Variants in FGF14 observed in about 807,000 individuals in gnomAD.
FGF14 encodes fibroblast growth factor 14.
Under a neutral mutation model 25.5 loss-of-function variants are expected in FGF14, and 5 were observed. That is an observed-to-expected ratio of 0.20 (90% CI 0.10 to 0.41). The LOEUF (loss-of-function observed/expected upper bound fraction) is 0.41. Ranked by LOEUF, FGF14 falls within the 10% of genes least tolerant of loss-of-function variation. FGF14 has a pLI of 1.00. For missense variants in FGF14, 222 were observed against 320.1 expected, an observed-to-expected ratio of 0.69 and a Z score of 2.34; for synonymous variants, 138 against 118.3, an observed-to-expected ratio of 1.17 and a Z score of -1.08.
chr13:102,392,915 T>C (rs752603167), intron 1 of FGF14, among the ~76,000 whole-genome samples: 1 of 152,162 alleles, frequency 6.6e-6, no homozygotes, highest in Non-Finnish European at 1.5e-5. Context: ...AGGGTAGATA[T>C]GATCATGACA....
chr13:102,284,850 T>C (rs555514600), intron 1 of FGF14, among the ~76,000 whole-genome samples: 11 of 152,296 alleles, frequency 7.2e-5, no homozygotes, highest in African/African-American at 2.2e-4. Flanking sequence ...TTGGTTCTTA[T>C]TGCAAATAGT....
At chr13:102,396,712 A>G (rs1203592495) in intron 1 of FGF14, among the ~76,000 whole-genome samples, 1 of 152,256 alleles carries the variant, frequency 6.6e-6, no homozygotes, top group Non-Finnish European at 1.5e-5. Flanking sequence ...TTGTACAGCC[A>G]AAGTCATCTT....
chr13:101,788,899 TATATATATATAGAG>T (rs1231379427), intron 3 of FGF14, among the ~76,000 whole-genome samples: 391 of 47,302 alleles, frequency 8.3e-3, no homozygotes, highest in Admixed American at 0.01. Context: ...TATATATATA[TATATATATATAGAG>T]AGAGAGAGAG....
chr13:102,289,233 G>A (rs750683080), intron 1 of FGF14, among the ~76,000 whole-genome samples: 1 of 152,106 alleles, frequency 6.6e-6, no homozygotes, highest in African/African-American at 2.4e-5. Context: ...CCATGGGTCT[G>A]CTTGCCATCA....
chr13:102,339,767 G>T (rs932026539), intron 1 of FGF14, among the ~76,000 whole-genome samples: 4 of 152,148 alleles, frequency 2.6e-5, no homozygotes, highest in Non-Finnish European at 4.4e-5. Context: ...AGTCATCATG[G>T]TGAGAGATAA....
chr13:102,279,646 G>A (rs1044150480), intron 1 of FGF14, among the ~76,000 whole-genome samples: 1 of 151,878 alleles, frequency 6.6e-6, no homozygotes, highest in African/African-American at 2.4e-5. Context: ...CAAAATAATG[G>A]GCACAGTGCC....
At chr13:101,969,261 G>T (rs1404956924) in intron 1 of FGF14, among the ~76,000 whole-genome samples, 2 of 152,154 alleles carry the variant, frequency 1.3e-5, no homozygotes, top group Admixed American at 6.5e-5. Flanking sequence ...GGGATTGAAG[G>T]ATAAGAAACG....
chr13:102,392,254 A>G (rs184049300), intron 1 of FGF14, among the ~76,000 whole-genome samples: 2 of 152,368 alleles, frequency 1.3e-5, no homozygotes, highest in Admixed American at 1.3e-4. Context: ...TAAAGTTCAT[A>G]CTTCCTTCTC....
intron 1 of FGF14, among the ~76,000 whole-genome samples, chr13:101,941,733 T>C (rs2493591): frequency 0.041 from 6,192 of 152,294 alleles, 395 homozygotes; most frequent in African/African-American, 0.14. Context: ...AATTGAAATG[T>C]CCTTAAGTAT....
intron 3 of FGF14, among the ~76,000 whole-genome samples, chr13:101,827,514 C>CT (rs2042445768): frequency 6.6e-6 from 1 of 151,606 alleles, no homozygotes; most frequent in African/African-American, 2.4e-5. Context: ...TTTATAAATG[C>CT]TTTTTATACT....
In FGF14 at chr13:102,221,102, C is replaced by T. The variant is rs111958736; in HGVS notation, c.208+180369G>A. Among the ~76,000 whole-genome samples the T allele has an allele frequency of 2.4e-3, 361 of 152,294 alleles. 1 individual carries two copies. The highest frequency in any genetic ancestry group is 8.0e-3 in the African/African-American group (332 of 41,572). ...TGTGAAAGAATGTTTCCCAAGAGCC[C>T]TTGCTTGCTTTTCAATGTTCAACTA... On this transcript the variant is annotated intron_variant, in intron 1 of 4. Coordinates refer to the FGF14 transcript ENST00000376131.
intron 1 of FGF14, among the ~76,000 whole-genome samples, chr13:102,387,928 C>A (rs1454462758): frequency 6.6e-6 from 1 of 152,184 alleles, no homozygotes; most frequent in Non-Finnish European, 1.5e-5. Flanking sequence ...CGGGGTTTCA[C>A]CACGTTGGCC....
intron 1 of FGF14, among the ~76,000 whole-genome samples, chr13:102,192,434 G>A (rs1479666387): frequency 6.6e-6 from 1 of 152,080 alleles, no homozygotes; most frequent in African/African-American, 2.4e-5. Context: ...CACCCTTCCT[G>A]TTGTCTTCAC....
At chr13:102,349,765 G>A (rs984965531) in intron 1 of FGF14, among the ~76,000 whole-genome samples, 4 of 152,146 alleles carry the variant, frequency 2.6e-5, no homozygotes, top group African/African-American at 4.8e-5. Flanking sequence ...TGAACCCATG[G>A]GTTTAGGTTA....
At chr13:101,856,535 C>A (rs75236915) in intron 3 of FGF14, among the ~76,000 whole-genome samples, 5,168 of 151,790 alleles carry the variant, frequency 0.034, 311 homozygotes, top group African/African-American at 0.12. Flanking sequence ...ATAATGTGGT[C>A]GAGGCTATGA....
At chr13:101,756,291 T>C (rs1320676791) in intron 3 of FGF14, among the ~76,000 whole-genome samples, 2 of 152,240 alleles carry the variant, frequency 1.3e-5, no homozygotes, top group Non-Finnish European at 2.9e-5. Flanking sequence ...TTTTATAATA[T>C]GCTATTTTTC....
In FGF14 at chr13:102,260,925, G is replaced by A. The variant is rs185151686; in HGVS notation, c.208+140546C>T. ...CAGCGCCTTTCCTAACTCCTCCAGA[G>A]AGGTACTCCCATTGTGCCCGCTATT... On this transcript the variant is annotated intron_variant, in intron 1 of 4. Transcript: ENST00000376131. Among the ~76,000 whole-genome samples the A allele has an allele frequency of 3.8e-3, 581 of 152,258 alleles. 1 individual carries two copies. The highest frequency in any genetic ancestry group is 5.4e-3 in the Non-Finnish European group (366 of 68,026).
rs576468115 is a variant in FGF14 at position 102,100,856 on chromosome 13, T to C, written c.209-225560A>G. Among the ~76,000 whole-genome samples the C allele has an allele frequency of 9.2e-5, 14 of 152,200 alleles. No homozygotes were observed. The East Asian group carries it at 2.5e-3, about 27-fold the overall frequency. Reference sequence around the variant, plus strand: ...GGCTCACGCCTGTAATCCCAACACTTTGGGAGGCTGAGACGGGCAGATCAC... The same window carrying C: ...GGCTCACGCCTGTAATCCCAACACTCTGGGAGGCTGAGACGGGCAGATCAC... On this transcript the variant is annotated intron_variant, in intron 1 of 4. Transcript: ENST00000376131.
chr13:101,872,630 G>C (rs1295920367), intron 2 of FGF14, among the ~76,000 whole-genome samples: 7 of 152,028 alleles, frequency 4.6e-5, no homozygotes, highest in African/African-American at 1.7e-4. Flanking sequence ...AAGTTAATTA[G>C]TAATTTCCAT....
Sources: allele counts gnomAD v4.1 joint callset (sites outside exome capture counted in the v4.1 genomes callset), GRCh38; gene constraint gnomAD v4.1.1; transcripts MANE v1.5; gene names NCBI Gene and HGNC (gene_info 2026-07-23, HGNC 2026-07-21).